Variants in NPEPPS observed in about 807,000 individuals in gnomAD.
The protein encoded by NPEPPS is puromycin-sensitive aminopeptidase.
Under a neutral mutation model 115.5 loss-of-function variants are expected in NPEPPS, and 14 were observed. That is an observed-to-expected ratio of 0.12 (90% CI 0.08 to 0.19). NPEPPS has a LOEUF of 0.19. Among genes scored for constraint, NPEPPS ranks in the 10% least tolerant of loss-of-function variants. The pLI, the probability that NPEPPS is intolerant of heterozygous loss-of-function variation, is 1.00. For missense variants in NPEPPS, 523 were observed against 1,110.8 expected, an observed-to-expected ratio of 0.47 and a Z score of 7.52; for synonymous variants, 285 against 390.6, an observed-to-expected ratio of 0.73 and a Z score of 3.19.
At chr17:47,549,695 C>T (rs1311708404) in intron 2 of NPEPPS, among the ~76,000 whole-genome samples, 14 of 146,376 alleles carry the variant, frequency 9.6e-5, no homozygotes, top group Admixed American at 3.5e-4. Flanking sequence ...GCAGGAGAAT[C>T]GCCTGAACCC....
chr17:47,612,809 G>A (rs1014321747), intron 18 of NPEPPS, among the ~76,000 whole-genome samples: 17 of 151,846 alleles, frequency 1.1e-4, no homozygotes, highest in African/African-American at 4.1e-4. Context: ...TATTACAGGC[G>A]CCGCCACCAC....
At chr17:47,526,680 C>G (rs1907443983), upstream of NPEPPS, among the ~76,000 whole-genome samples, 1 of 151,986 alleles carries the variant, frequency 6.6e-6, no homozygotes, top group Non-Finnish European at 1.5e-5. Flanking sequence ...GAGTTAGGGC[C>G]AGGCGCGGTG....
intron 1 of NPEPPS, among the ~76,000 whole-genome samples, chr17:47,523,537 C>T (rs1907304269): frequency 1.3e-5 from 2 of 151,980 alleles, no homozygotes; most frequent in Admixed American, 1.3e-4. Flanking sequence ...TATCCTGCCT[C>T]AGCCTCCCAA....
At chr17:47,536,129 C>T (rs1400140761) in intron 1 of NPEPPS, among the ~76,000 whole-genome samples, 3 of 151,980 alleles carry the variant, frequency 2.0e-5, no homozygotes, top group Non-Finnish European at 2.9e-5. Flanking sequence ...GCCACCGTGC[C>T]CAGCTGGGCT....
chr17:47,524,177 GGC>G (rs1282511987), intron 1 of NPEPPS, among the ~76,000 whole-genome samples: 1 of 151,724 alleles, frequency 6.6e-6, no homozygotes, highest in Non-Finnish European at 1.5e-5. Flanking sequence ...CGTGGTGGCA[GGC>G]ACCTGTAATC....
chr17:47,557,632 T>A (rs1449170682), intron 2 of NPEPPS: 1 of 149,340 alleles, frequency 6.7e-6, no homozygotes, highest in African/African-American at 2.4e-5. Context: ...TGTACTGCTT[T>A]TAGCTGCAGC....
At chr17:47,591,422 A>G (rs549311163) in intron 10 of NPEPPS, among the ~76,000 whole-genome samples, 2 of 152,262 alleles carry the variant, frequency 1.3e-5, no homozygotes, top group South Asian at 4.1e-4. Context: ...ATTGGGTAAC[A>G]CTATGGTTCC....
chr17:47,538,821 C>G (rs1433963039), intron 1 of NPEPPS, among the ~76,000 whole-genome samples: 1 of 152,200 alleles, frequency 6.6e-6, no homozygotes, highest in Admixed American at 6.6e-5. Context: ...AGCCACCGCA[C>G]CCGGCCAGCC....
At chr17:47,530,351 GTTTTTTT>G (rs58886094), upstream of NPEPPS, among the ~76,000 whole-genome samples, 1 of 97,818 alleles carries the variant, frequency 1.0e-5, no homozygotes, top group Non-Finnish European at 1.9e-5. Flanking sequence ...ATTATTAAAG[GTTTTTTT>G]TTTTTTTTTT....
At chr17:47,558,442 T>G (rs1258324648) in intron 2 of NPEPPS, among the ~76,000 whole-genome samples, 1 of 151,684 alleles carries the variant, frequency 6.6e-6, no homozygotes, top group South Asian at 2.1e-4. Flanking sequence ...CCCCACTTTT[T>G]TTTTTGAGAC....
chr17:47,620,234 AAAGT>A (rs1914480002), intron 22 of NPEPPS: 1 of 153,982 alleles, frequency 6.5e-6, no homozygotes. Flanking sequence ...AAAAAAAAAA[AAAGT>A]CCTAAAAATG....
intron 1 of NPEPPS, among the ~76,000 whole-genome samples, chr17:47,535,410 G>A (rs1233875190): frequency 6.6e-6 from 1 of 151,184 alleles, no homozygotes; most frequent in African/African-American, 2.4e-5. Flanking sequence ...AATTAGCCGG[G>A]CGTGGTGGCG....
At chr17:47,562,744 A>G (rs1910517301) in intron 2 of NPEPPS, among the ~76,000 whole-genome samples, 1 of 151,584 alleles carries the variant, frequency 6.6e-6, no homozygotes, top group South Asian at 2.1e-4. Context: ...TCCTAGTGAA[A>G]TACCAACTTT....
chr17:47,592,676 G>C (rs1327407134), intron 12 of NPEPPS, 131 bp downstream of exon 12: 1 of 804,206 alleles, frequency 1.2e-6, no homozygotes, highest in Non-Finnish European at 1.9e-6. Context: ...CTTATTTGAA[G>C]CTGTGTTCAG....
At chr17:47,527,398 T>G (rs925710922), upstream of NPEPPS, among the ~76,000 whole-genome samples, 10 of 150,534 alleles carry the variant, frequency 6.6e-5, no homozygotes, top group African/African-American at 1.7e-4. Context: ...GCAGGAGAAT[T>G]GCTTGAACCC....
intron 12 of NPEPPS, among the ~76,000 whole-genome samples, chr17:47,594,139 C>T (rs918306116): frequency 1.3e-5 from 2 of 151,994 alleles, no homozygotes; most frequent in Non-Finnish European, 2.9e-5. Context: ...TGGGCAACAG[C>T]GAAACGCGGT....
intron 19 of NPEPPS, 104 bp downstream of exon 19, chr17:47,613,829 A>G: frequency 2.5e-6 from 2 of 802,332 alleles, no homozygotes; most frequent in Non-Finnish European, 4.1e-6. Context: ...GAAAAGAAAG[A>G]TGCATATTGT....
chr17:47,548,839 T>G (rs1909427450), intron 2 of NPEPPS, among the ~76,000 whole-genome samples: 1 of 151,662 alleles, frequency 6.6e-6, no homozygotes, highest in Non-Finnish European at 1.5e-5. Flanking sequence ...CCTCCCAAAG[T>G]GTTGGGATTA....
chr17:47,592,905 G>A (rs904784645), intron 12 of NPEPPS, among the ~76,000 whole-genome samples: 2 of 151,724 alleles, frequency 1.3e-5, no homozygotes, highest in Non-Finnish European at 2.9e-5. Flanking sequence ...CCCTCCCCCA[G>A]CCCCCTACCC....
Sources: gnomAD v4.1 joint callset for allele counts (sites outside exome capture counted in the v4.1 genomes callset) on GRCh38, gnomAD v4.1.1 for gene constraint, MANE v1.5 for transcripts, NCBI Gene and HGNC (gene_info 2026-07-23, HGNC 2026-07-21) for gene names.